TMEM236: variants seen among roughly 807,000 people sequenced by gnomAD.
The protein encoded by TMEM236 is transmembrane protein 236, also known as family with sequence similarity 23, member A.
TMEM236 carries 11 observed loss-of-function variants against 14.7 expected under a neutral mutation model. The observed-to-expected ratio is 0.75, with a 90% confidence interval of 0.47 to 1.24. The LOEUF (loss-of-function observed/expected upper bound fraction) is 1.24. Ranked by LOEUF, TMEM236 falls within the 50% of genes most tolerant of loss-of-function variation. TMEM236 has a pLI of 0.00. For missense variants in TMEM236, 464 were observed against 427.3 expected (o/e 1.09, Z -0.76); for synonymous variants, 182 against 168.6 (o/e 1.08, Z -0.62).
intron 1 of TMEM236, among the ~76,000 whole-genome samples, chr10:17,769,594 A>G (rs1837533879): frequency 6.6e-6 from 1 of 152,202 alleles, no homozygotes; most frequent in Admixed American, 6.5e-5. Flanking sequence ...GGCTTGTCCA[A>G]TCTTACTTAG....
chr10:17,781,096 G>T (rs1422510561), intron 3 of TMEM236, among the ~76,000 whole-genome samples: 1 of 152,168 alleles, frequency 6.6e-6, no homozygotes, highest in African/African-American at 2.4e-5. Context: ...TTTTGACCAT[G>T]CCTAGTCCCA....
At chr10:17,768,739 G>GT (rs1348338159) in intron 1 of TMEM236, among the ~76,000 whole-genome samples, 4 of 151,702 alleles carry the variant, frequency 2.6e-5, no homozygotes, top group African/African-American at 9.7e-5. Context: ...GTGTGTGTGT[G>GT]TGTGTGTGTG....
chr10:17,756,608 T>C (rs1296727084), intron 1 of TMEM236, among the ~76,000 whole-genome samples: 1 of 152,134 alleles, frequency 6.6e-6, no homozygotes, highest in Non-Finnish European at 1.5e-5. Flanking sequence ...AAGTAGAATT[T>C]TTATGAGTTT....
intron 1 of TMEM236, among the ~76,000 whole-genome samples, chr10:17,763,871 A>G (rs1837416976): frequency 6.6e-6 from 1 of 152,164 alleles, no homozygotes; most frequent in South Asian, 2.1e-4. Flanking sequence ...TCCCAGCCAC[A>G]GGATCTTGGG....
At chr10:17,795,873 A>G in intron 3 of TMEM236, 48 bp from the exon 4 acceptor site, 2 of 1,570,756 alleles carry the variant, frequency 1.3e-6, no homozygotes, top group Admixed American at 3.3e-5. Flanking sequence ...TTGAGCTAAA[A>G]TGGATACATT....
intron 3 of TMEM236, among the ~76,000 whole-genome samples, chr10:17,786,705 G>A (rs1837842840): frequency 1.3e-5 from 2 of 152,164 alleles, no homozygotes; most frequent in East Asian, 3.8e-4. Context: ...CTTCCTATGA[G>A]ATCACAAACA....
intron 3 of TMEM236, among the ~76,000 whole-genome samples, chr10:17,786,018 G>A (rs1837830967): frequency 6.6e-6 from 1 of 152,134 alleles, no homozygotes; most frequent in African/African-American, 2.4e-5. Flanking sequence ...AATTTTCAGT[G>A]AAAGCTCCCT....
In TMEM236 at chr10:17,798,434, G is replaced by A; in HGVS notation, c.*1930G>A. 2.4e-6 allele frequency: 1 copy of A among 414,982 alleles called. No homozygotes were observed. The highest frequency in any genetic ancestry group is 4.8e-6 in the Non-Finnish European group (1 of 208,258). 25.7% of individuals were successfully genotyped at this position (414,982 alleles called of 1,614,324 possible). Reference sequence around the variant, plus strand: ...TGCAACTATAGTCCCAGCTACTTAGGAGGCTGGGGCAGGAAGATTGCTTGA... The same window carrying A: ...TGCAACTATAGTCCCAGCTACTTAGAAGGCTGGGGCAGGAAGATTGCTTGA... On this transcript the variant is annotated 3_prime_UTR_variant, in exon 4 of 4. Transcript: ENST00000377495.
chr10:17,753,691 T>C (rs1177683372), intron 1 of TMEM236, among the ~76,000 whole-genome samples: 1 of 152,208 alleles, frequency 6.6e-6, no homozygotes, highest in Non-Finnish European at 1.5e-5. Context: ...CCATTGTGAA[T>C]AGTACTGCAA....
chr10:17,790,405 A>G lies in TMEM236; in HGVS notation c.473-5516A>G, dbSNP rs1036319217. Among the ~76,000 whole-genome samples the G allele has an allele frequency of 2.5e-4, 38 of 152,136 alleles. No individual in the cohort carries two copies. In the South Asian group the frequency reaches 7.7e-3, roughly 31 times the overall value. ...ACATTGTAAGTGTTTGAGACAGGGA[A>G]TAAACGAATGGATGAATGAGTGAGC... On this transcript the variant is annotated intron_variant, in intron 3 of 3. Transcript: ENST00000377495.
intron 3 of TMEM236, among the ~76,000 whole-genome samples, chr10:17,782,401 T>G (rs962584517): frequency 7.2e-6 from 1 of 139,528 alleles, no homozygotes; most frequent in African/African-American, 2.7e-5. Flanking sequence ...GCAACTCTTC[T>G]TTTTTTCTTA....
At chr10:17,786,171 C>A (rs1028587853) in intron 3 of TMEM236, among the ~76,000 whole-genome samples, 1 of 152,110 alleles carries the variant, frequency 6.6e-6, no homozygotes, top group Non-Finnish European at 1.5e-5. Context: ...ACAAATATTT[C>A]AGGGAGACTG....
In TMEM236 at chr10:17,761,708, A is replaced by AG. The variant is rs1161799653; in HGVS notation, c.257+9156_257+9157insG. ...GACTATGTCTCAAAAAAAAAAAAAA[A>AG]AAAGAAAAGGAAGTTTTCTGTATCT... On this transcript the variant is annotated intron_variant, in intron 1 of 3. Coordinates refer to ENST00000377495, the MANE Select transcript of TMEM236 (RefSeq NM_001098844.3). Among the ~76,000 whole-genome samples, 14 of 151,750 alleles carry AG rather than the reference A, an allele frequency of 9.2e-5. 1 individual carries two copies. Among genetic ancestry groups the AG allele is most frequent in the African/African-American group, 2.4e-4 (10 of 41,394 alleles).
At chr10:17,756,742 G>A (rs1020933982) in intron 1 of TMEM236, among the ~76,000 whole-genome samples, 2 of 152,310 alleles carry the variant, frequency 1.3e-5, no homozygotes, top group Middle Eastern at 3.4e-3. Flanking sequence ...TCCATAATGG[G>A]TACTTCTAGC....
chr10:17,786,807 C>T (rs1837844363), intron 3 of TMEM236, among the ~76,000 whole-genome samples: 2 of 152,194 alleles, frequency 1.3e-5, no homozygotes, highest in Non-Finnish European at 2.9e-5. Context: ...AGAATTCTCA[C>T]ATGTTGTGGG....
intron 3 of TMEM236, among the ~76,000 whole-genome samples, chr10:17,776,607 G>A (rs1253642759): frequency 6.6e-6 from 1 of 152,108 alleles, no homozygotes; most frequent in African/African-American, 2.4e-5. Flanking sequence ...GTTTTTAATT[G>A]TGAATTATAA....
intron 2 of TMEM236, among the ~76,000 whole-genome samples, chr10:17,774,588 G>A (rs1355757529): frequency 6.6e-6 from 1 of 152,114 alleles, no homozygotes; most frequent in Non-Finnish European, 1.5e-5. Context: ...CACTGTCTTA[G>A]TTCTTGCAGC....
intron 1 of TMEM236, among the ~76,000 whole-genome samples, chr10:17,757,739 GA>G (rs1474293041): frequency 1.4e-4 from 22 of 151,916 alleles, no homozygotes; most frequent in African/African-American, 5.3e-4. Context: ...TGTGTTTCAA[GA>G]AAAATGCAAT....
intron 3 of TMEM236, among the ~76,000 whole-genome samples, chr10:17,783,094 A>C (rs1837780413): frequency 6.6e-6 from 1 of 152,146 alleles, no homozygotes; most frequent in African/African-American, 2.4e-5. Flanking sequence ...GGTGACTGGC[A>C]AAACAGAAGC....
Sources: allele counts gnomAD v4.1 joint callset (sites outside exome capture counted in the v4.1 genomes callset), GRCh38; gene constraint gnomAD v4.1.1; transcripts MANE v1.5; gene names NCBI Gene and HGNC (gene_info 2026-07-23, HGNC 2026-07-21).